MCF2L: variants seen among roughly 807,000 people sequenced by gnomAD.
MCF2L encodes guanine nucleotide exchange factor DBS.
In MCF2L, 97 loss-of-function variants were observed where a neutral mutation model predicts 153.4. The ratio of observed to expected loss-of-function variants is 0.63; its 90% CI spans 0.54 to 0.75. MCF2L has a LOEUF of 0.75. MCF2L is among the 30% of genes least tolerant of loss of function. The pLI is 0.00. For synonymous variants in MCF2L, 659 were observed against 632.2 expected (o/e 1.04, Z -0.64); for missense variants, 1,347 against 1,495.2 (o/e 0.90, Z 1.64).
intron 2 of MCF2L, among the ~76,000 whole-genome samples, chr13:112,937,488 G>A (rs1464446217): frequency 1.3e-5 from 2 of 152,226 alleles, no homozygotes; most frequent in Non-Finnish European, 2.9e-5. Context: ...TTGAAAAGGA[G>A]TTTGGAGGAA....
At chr13:112,986,730 G>A (rs746295658) in intron 1 of MCF2L, among the ~76,000 whole-genome samples, 8 of 152,240 alleles carry the variant, frequency 5.3e-5, no homozygotes, top group Non-Finnish European at 1.0e-4. Context: ...ACACTGGGCC[G>A]AGGGTGCCAA....
intron 1 of MCF2L, among the ~76,000 whole-genome samples, chr13:112,980,671 G>A (rs1360605478): frequency 2.4e-4 from 1 of 4,218 alleles, no homozygotes; most frequent in East Asian, 2.2e-3. Flanking sequence ...CCCCGCCTTG[G>A]GCACGGACAG....
intron 4 of MCF2L, among the ~76,000 whole-genome samples, chr13:113,060,204 T>C (rs1292633999): frequency 1.3e-5 from 2 of 152,218 alleles, no homozygotes; most frequent in African/African-American, 2.4e-5. Context: ...CCTGCCCTAA[T>C]GACCTCACTT....
intron 17 of MCF2L, among the ~76,000 whole-genome samples, chr13:113,083,729 G>A (rs1490187850): frequency 3.3e-5 from 5 of 152,334 alleles, no homozygotes; most frequent in African/African-American, 1.2e-4. Context: ...CCTGTGAGCC[G>A]TGTGTGTGCT....
intron 3 of MCF2L, among the ~76,000 whole-genome samples, chr13:113,034,681 A>ACCCGCGCCCTTG (rs2086032975): frequency 6.6e-6 from 1 of 150,664 alleles, no homozygotes; most frequent in Non-Finnish European, 1.5e-5. Context: ...CCCTGGTCTC[A>ACCCGCGCCCTTG]CCCTCACCCT....
intron 2 of MCF2L, among the ~76,000 whole-genome samples, chr13:112,949,207 A>G (rs1043688074): frequency 6.6e-6 from 1 of 152,274 alleles, no homozygotes; most frequent in African/African-American, 2.4e-5. Flanking sequence ...AACAGGAAGT[A>G]GATCATTGAA....
intron 1 of MCF2L, among the ~76,000 whole-genome samples, chr13:112,901,146 C>A (rs1359985066): frequency 6.6e-6 from 1 of 152,092 alleles, no homozygotes; most frequent in South Asian, 2.1e-4. Flanking sequence ...CCACCGATAC[C>A]GTTTATTTTT....
chr13:113,036,017 G>A (rs867288597), intron 3 of MCF2L, among the ~76,000 whole-genome samples: 182 of 152,306 alleles, frequency 1.2e-3, no homozygotes, highest in Middle Eastern at 6.8e-3. Flanking sequence ...TCAGCAGGTG[G>A]AGGATGGCTG....
At chr13:113,003,266 G>T (rs1403258941) in intron 1 of MCF2L, among the ~76,000 whole-genome samples, 1 of 151,484 alleles carries the variant, frequency 6.6e-6, no homozygotes, top group Non-Finnish European at 1.5e-5. Context: ...TTTTGGGGTT[G>T]GCTTTGGGGC....
intron 1 of MCF2L, among the ~76,000 whole-genome samples, chr13:112,971,779 G>A (rs554377691): frequency 3.3e-5 from 5 of 152,340 alleles, no homozygotes; most frequent in Admixed American, 6.5e-5. Flanking sequence ...GCACTTTCCA[G>A]TGGCAACTTC....
At chr13:113,078,900 G>A (rs2033807481) in intron 15 of MCF2L, among the ~76,000 whole-genome samples, 161 bp downstream of exon 15, 1 of 152,232 alleles carries the variant, frequency 6.6e-6, no homozygotes, top group African/African-American at 2.4e-5. Context: ...AGGGCCTGCC[G>A]TGGCTCGAGC....
At position 112,914,407 on chromosome 13, in the gene MCF2L, C is replaced by T. The variant is rs572828510; in HGVS notation, c.169+12036C>T. Among the ~76,000 whole-genome samples the T allele has an allele frequency of 4.6e-5, 7 of 152,296 alleles. No homozygotes were observed. In the South Asian group the frequency reaches 8.3e-4, roughly 18 times the overall value. On this transcript the variant is annotated intron_variant, in intron 2 of 29. Transcript: ENST00000375608. ...GGGCAGTGGCTACACTGTATTCACT[C>T]GTCTCTGCTGATGGGCACTACTGTA...
intron 15 of MCF2L, among the ~76,000 whole-genome samples, chr13:113,079,354 C>G (rs373612100): frequency 2.0e-5 from 3 of 151,934 alleles, no homozygotes; most frequent in Non-Finnish European, 2.9e-5. Context: ...ATGAGGCACA[C>G]GCGGCTCCCT....
intron 2 of MCF2L, among the ~76,000 whole-genome samples, chr13:112,919,267 G>A (rs373160051): frequency 4.8e-5 from 7 of 145,012 alleles, no homozygotes; most frequent in South Asian, 2.2e-4. Flanking sequence ...GTGCAGTGGC[G>A]GGATCTCGGC....
chr13:112,974,902 T>A (rs1433115232), intron 1 of MCF2L, among the ~76,000 whole-genome samples: 1 of 152,160 alleles, frequency 6.6e-6, no homozygotes, highest in Admixed American at 6.5e-5. Flanking sequence ...GCAGCCTAAT[T>A]ATGGAAAGCT....
At chr13:113,010,225 T>G (rs538381928) in intron 1 of MCF2L, 1 of 151,620 alleles carries the variant, frequency 6.6e-6, no homozygotes, top group South Asian at 2.1e-4. Context: ...CCTGGGATAC[T>G]GCTCAGACGT....
intron 2 of MCF2L, among the ~76,000 whole-genome samples, chr13:112,924,314 T>C (rs1381230375): frequency 2.6e-5 from 4 of 152,104 alleles, no homozygotes; most frequent in Admixed American, 6.5e-5. Context: ...TCCTTTTCAT[T>C]ATCTCTATTT....
intron 2 of MCF2L, among the ~76,000 whole-genome samples, chr13:112,924,477 C>G (rs2081383827): frequency 6.6e-6 from 1 of 152,042 alleles, no homozygotes; most frequent in African/African-American, 2.4e-5. Context: ...AGGAGAAGAT[C>G]TAATGGGAGA....
intron 1 of MCF2L, among the ~76,000 whole-genome samples, chr13:113,007,038 C>T (rs947565409): frequency 6.6e-6 from 1 of 152,204 alleles, no homozygotes; most frequent in Non-Finnish European, 1.5e-5. Context: ...GAAACCCGGC[C>T]TCCTGTGTCT....
Sources: gnomAD v4.1 joint callset for allele counts (sites outside exome capture counted in the v4.1 genomes callset) on GRCh38, gnomAD v4.1.1 for gene constraint, MANE v1.5 for transcripts, NCBI Gene and HGNC (gene_info 2026-07-23, HGNC 2026-07-21) for gene names.